Variants in CACNA1I observed in about 807,000 individuals in gnomAD.
The protein encoded by CACNA1I is voltage-dependent T-type calcium channel subunit alpha-1I.
A neutral mutation model predicts 201.6 loss-of-function variants in CACNA1I; 74 were observed. The ratio of observed to expected loss-of-function variants is 0.37; its 90% CI spans 0.30 to 0.45. The LOEUF (loss-of-function observed/expected upper bound fraction) is 0.45. CACNA1I is among the 20% of genes least tolerant of loss of function. The pLI is 1.00. For synonymous variants in CACNA1I, 1,431 were observed against 1,345.2 expected, an observed-to-expected ratio of 1.06 and a Z score of -1.40; for missense variants, 2,346 against 3,138.1, an observed-to-expected ratio of 0.75 and a Z score of 6.03.
intron 3 of CACNA1I, among the ~76,000 whole-genome samples, chr22:39,603,581 A>G (rs890169320): frequency 6.6e-6 from 1 of 152,030 alleles, no homozygotes; most frequent in Non-Finnish European, 1.5e-5. Context: ...TTTTATAAAT[A>G]CAATATTCAC....
chr22:39,613,359 A>T (rs1226042414), intron 3 of CACNA1I, among the ~76,000 whole-genome samples: 2 of 152,252 alleles, frequency 1.3e-5, no homozygotes, highest in Non-Finnish European at 2.9e-5. Context: ...CTCATAGAGG[A>T]TCAGTGGGAC....
intron 3 of CACNA1I, among the ~76,000 whole-genome samples, chr22:39,618,725 T>TG (rs1933637488): frequency 1.1e-5 from 1 of 94,914 alleles, no homozygotes; most frequent in African/African-American, 4.2e-5. Flanking sequence ...GGTCTGGTGA[T>TG]GGGGGGCAGG....
chr22:39,603,803 A>G (rs1212769954), intron 3 of CACNA1I, among the ~76,000 whole-genome samples: 2 of 152,226 alleles, frequency 1.3e-5, no homozygotes, highest in Admixed American at 1.3e-4. Context: ...GACATCGGAG[A>G]AAGAATGTAG....
intron 3 of CACNA1I, among the ~76,000 whole-genome samples, chr22:39,600,929 T>C (rs976302518): frequency 6.6e-6 from 1 of 152,146 alleles, no homozygotes; most frequent in African/African-American, 2.4e-5. Context: ...AAGCTTTCAT[T>C]TCCTCATCTG....
At chr22:39,577,495 C>T (rs966963922) in intron 1 of CACNA1I, among the ~76,000 whole-genome samples, 8 of 152,318 alleles carry the variant, frequency 5.3e-5, no homozygotes, top group Middle Eastern at 3.4e-3. Context: ...CTGCGCGTGA[C>T]GAGGGTTGAG....
Position 39,685,028 on chromosome 22 carries a change from G to T in CACNA1I, c.6027+530G>T, listed in dbSNP as rs886540498. 4.9e-5 allele frequency: 9 copies of T among 185,564 alleles called. No homozygotes were observed. The highest frequency in any genetic ancestry group is 8.9e-5 in the Non-Finnish European group (8 of 89,524). 11.5% of individuals were successfully genotyped at this position (185,564 alleles called of 1,614,324 possible). ...AAGCACTGAGGGCTCCGCTGTGGGG[G>T]TGGGGAAATGGGGCCGGGCCGGCTC... On this transcript the variant is annotated intron_variant, in intron 36 of 36. Coordinates refer to ENST00000402142, the MANE Select transcript of CACNA1I (RefSeq NM_021096.4). The surrounding 1 kb of genome is among the most constrained non-coding windows in gnomAD (Gnocchi z 5.0).
At chr22:39,624,734 C>T (rs1268049799) in intron 4 of CACNA1I, among the ~76,000 whole-genome samples, 1 of 152,212 alleles carries the variant, frequency 6.6e-6, no homozygotes, top group Non-Finnish European at 1.5e-5. Context: ...TGCCCAGAGC[C>T]ACCAGGGGAT....
chr22:39,639,218 C>T (rs1235310668), intron 5 of CACNA1I, among the ~76,000 whole-genome samples: 4 of 152,226 alleles, frequency 2.6e-5, no homozygotes, highest in Non-Finnish European at 5.9e-5. Context: ...AGGCCATGTG[C>T]TCTGCAGAAA....
In CACNA1I at chr22:39,649,485, C is replaced by T. The variant is rs1200856326; in HGVS notation, c.1568-16C>T. 4 of 1,555,000 alleles carry T rather than the reference C, an allele frequency of 2.6e-6. No homozygotes were observed. The highest frequency in any genetic ancestry group is 3.5e-6 in the Non-Finnish European group (4 of 1,150,460). Reference sequence around the variant, plus strand: ...GTGTGGGCAACGACTCTATGCCCCTCTCATTTGCTTTTCAGAGCTGTGCCC... The same window carrying T: ...GTGTGGGCAACGACTCTATGCCCCTTTCATTTGCTTTTCAGAGCTGTGCCC... On this transcript the variant is annotated splice_polypyrimidine_tract_variant and intron_variant, in intron 9 of 36. Coordinates refer to ENST00000402142, the MANE Select transcript of CACNA1I (RefSeq NM_021096.4). This position sits in a 1 kb window ranked among gnomAD's most constrained non-coding sequence, Gnocchi z 7.3.
At chr22:39,605,414 G>A (rs1369389863) in intron 3 of CACNA1I, among the ~76,000 whole-genome samples, 1 of 152,174 alleles carries the variant, frequency 6.6e-6, no homozygotes, top group Non-Finnish European at 1.5e-5. Flanking sequence ...GCACTAGAAA[G>A]CTCTTTCTTT....
At chr22:39,586,674 A>C (rs1251706395) in intron 1 of CACNA1I, among the ~76,000 whole-genome samples, 1 of 152,170 alleles carries the variant, frequency 6.6e-6, no homozygotes, top group Non-Finnish European at 1.5e-5. Context: ...GTGCAGGTGC[A>C]TGAGAGGCAG....
At chr22:39,657,419 G>T (rs538443648) in intron 10 of CACNA1I, among the ~76,000 whole-genome samples, 1 of 152,186 alleles carries the variant, frequency 6.6e-6, no homozygotes, top group Non-Finnish European at 1.5e-5. Context: ...GTGCAGGACT[G>T]TGCCTGGCAT....
At chr22:39,579,669 A>G (rs946754234) in intron 1 of CACNA1I, among the ~76,000 whole-genome samples, 15 of 149,106 alleles carry the variant, frequency 1.0e-4, no homozygotes, top group Non-Finnish European at 1.8e-4. Context: ...TTTTTGAGAC[A>G]GAGTTTCGCT....
At position 39,686,216 on chromosome 22, in the gene CACNA1I, C is replaced by T; in HGVS notation, c.6483C>T (p.Ala2161=). The part of the protein sequence containing the change: ...RKFSSTSSLA[A]PGRPHAAALA... ...TCAGCAGCACCAGCAGCCTGGCCGC[C>T]CCCGGCCGCCCCCACGCCGCCGCCC... The change falls in exon 37 of 37, where the codon GCC becomes GCT. Residue 2161 remains alanine (A), a synonymous_variant. Transcript: ENST00000402142. 1 of 1,246,136 alleles carries T rather than the reference C, an allele frequency of 8.0e-7. No individual in the cohort carries two copies. The highest frequency in any genetic ancestry group is 1.0e-6 in the Non-Finnish European group (1 of 997,574). The allele number at this position is 1,246,136 out of a possible 1,614,324, so 77.2% of individuals were successfully genotyped here.
rs377119062 is a variant in CACNA1I at position 39,670,254 on chromosome 22, G to A, written c.4387+24G>A. 47 of 1,604,192 alleles carry A rather than the reference G, an allele frequency of 2.9e-5. No homozygotes were observed. In the African/African-American group the frequency reaches 4.1e-4, roughly 14 times the overall value. On this transcript the variant is annotated intron_variant, in intron 25 of 36. Coordinates refer to ENST00000402142, the MANE Select transcript of CACNA1I (RefSeq NM_021096.4). ...GAGTGAGTGGGTGCCTGTGGAGGGC[G>A]TGGGCCACCCAGCTCTAAGCCCTTC...
At chr22:39,593,229 G>A (rs1025401294) in intron 1 of CACNA1I, among the ~76,000 whole-genome samples, 8 of 152,190 alleles carry the variant, frequency 5.3e-5, no homozygotes, top group African/African-American at 9.7e-5. Context: ...TGGGCTGCTC[G>A]GGGACTGGGT....
At chr22:39,595,669 T>C (rs893856733) in intron 1 of CACNA1I, among the ~76,000 whole-genome samples, 2 of 151,956 alleles carry the variant, frequency 1.3e-5, no homozygotes, top group African/African-American at 4.8e-5. Context: ...ATCAAAGTTA[T>C]ATGAATGTGG....
Position 39,626,534 on chromosome 22 carries a change from G to A in CACNA1I, c.580+7127G>A, listed in dbSNP as rs533297334. 5.3e-5 allele frequency among the ~76,000 whole-genome samples: 8 copies of A among 152,336 alleles called. No homozygotes were observed. In the East Asian group the frequency reaches 5.8e-4, roughly 11 times the overall value. Reference sequence around the variant, plus strand: ...ATCGTGTGGGTGGGCAGGGGACTGCGTGGCGGGAAAAGGAGAGGGTTGTTC... The same window carrying A: ...ATCGTGTGGGTGGGCAGGGGACTGCATGGCGGGAAAAGGAGAGGGTTGTTC... On this transcript the variant is annotated intron_variant, in intron 4 of 36. Transcript: ENST00000402142.
chr22:39,640,944 G>C lies in CACNA1I; in HGVS notation c.818G>C (p.Gly273Ala). The change falls in exon 6 of 37, where the codon GGC becomes GCC. Residue 273 changes from glycine to alanine, a missense_variant. By Grantham distance (60) the Gly-to-Ala change is moderately conservative. This residue lies in a region of CACNA1I where 227 missense variants were observed against 412.5 expected (regional missense o/e 0.55). Transcript: ENST00000402142. Reference sequence around the variant, plus strand: ...ATGCCCTTCATCTGCTCCCTGTCGGGCGACAATGGGATAATGGGCTGCCAT... The same window carrying C: ...ATGCCCTTCATCTGCTCCCTGTCGGCCGACAATGGGATAATGGGCTGCCAT... The part of the protein sequence containing the change: ...DEMPFICSLS[G>A]DNGIMGCHEI... 6.2e-7 allele frequency: 1 copy of C among 1,613,986 alleles called. No individual in the cohort carries two copies. Among genetic ancestry groups the C allele is most frequent in the Non-Finnish European group, 8.5e-7 (1 of 1,179,878 alleles).
Sources: allele counts gnomAD v4.1 joint callset (sites outside exome capture counted in the v4.1 genomes callset), GRCh38; gene constraint gnomAD v4.1.1; regional missense constraint gnomAD v4.1.1; non-coding constraint Gnocchi (gnomAD v3.1); transcripts MANE v1.5; gene names NCBI Gene and HGNC (gene_info 2026-07-23, HGNC 2026-07-21).